The following DCHS2 variants were observed in gnomAD, a reference collection of about 807,000 sequenced individuals.
DCHS2 encodes the protein dachsous cadherin-related 2.
Under a neutral mutation model 182.4 loss-of-function variants are expected in DCHS2, and 142 were observed. The ratio of observed to expected loss-of-function variants is 0.78; its 90% CI spans 0.68 to 0.89. The LOEUF (loss-of-function observed/expected upper bound fraction) is 0.89, where lower values mean the gene tolerates loss of function less well. Ranked by LOEUF, DCHS2 falls within the 40% of genes least tolerant of loss-of-function variation. DCHS2 has a pLI of 0.00. For missense variants in DCHS2, 4,319 were observed against 4,198.6 expected, an observed-to-expected ratio of 1.03 and a Z score of -0.79; for synonymous variants, 1,740 against 1,663.3, an observed-to-expected ratio of 1.05 and a Z score of -1.12.
In DCHS2 at chr4:154,323,105, T is replaced by C. The variant is rs979274500; in HGVS notation, c.4019-617A>G. 30 of 1,304,930 alleles carry C rather than the reference T, an allele frequency of 2.3e-5. No individual in the cohort carries two copies. In the Middle Eastern group the frequency reaches 9.5e-4, roughly 41 times the overall value. The allele number at this position is 1,304,930 out of a possible 1,614,324, so 80.8% of individuals were successfully genotyped here. On this transcript the variant is annotated intron_variant, in intron 7 of 19. Coordinates refer to ENST00000357232, the MANE Select transcript of DCHS2 (RefSeq NM_001358235.2). The stretch of plus-strand genomic sequence containing the variant: ...TTGTCCTTGCAATTTATTTGTTGAA[T>C]AAACTGGAACTTGTATCCTGACATT...
At chr4:154,475,441 A>AT (rs1328851892) in intron 1 of DCHS2, among the ~76,000 whole-genome samples, 1 of 152,212 alleles carries the variant, frequency 6.6e-6, no homozygotes, top group Non-Finnish European at 1.5e-5. Context: ...AAGGACTGAA[A>AT]TCTTAAAGGA....
chr4:154,382,774 A>G (rs1024382157), intron 1 of DCHS2, among the ~76,000 whole-genome samples: 21 of 152,220 alleles, frequency 1.4e-4, no homozygotes, highest in African/African-American at 5.1e-4. Flanking sequence ...CATCAGAGAA[A>G]TGCAAATCAA....
intron 1 of DCHS2, among the ~76,000 whole-genome samples, chr4:154,415,800 A>G (rs1400071670): frequency 6.6e-6 from 1 of 152,190 alleles, no homozygotes; most frequent in Admixed American, 6.5e-5. Flanking sequence ...GTCTCCAAAA[A>G]GTGGCAGAAC....
At chr4:154,329,413 C>T (rs1329676146) in intron 6 of DCHS2, 110 bp downstream of exon 6, 6 of 1,130,700 alleles carry the variant, frequency 5.3e-6, no homozygotes, top group Non-Finnish European at 7.5e-6. Context: ...AAAAAGTATG[C>T]TTTGCCACAC....
rs779930027 is a variant in DCHS2, at chr4:154,490,128, G to T, written c.1228C>A (p.Arg410=). 6.5e-6 allele frequency: 10 copies of T among 1,548,142 alleles called. No individual in the cohort carries two copies. In the Admixed American group the frequency reaches 2.0e-4, roughly 30 times the overall value. The change falls in exon 1 of 20, where the codon CGG becomes AGG. Residue 410 remains arginine (R), a synonymous_variant. Coordinates refer to ENST00000357232, the MANE Select transcript of DCHS2 (RefSeq NM_001358235.2). ...AGAAAGAGCACGTGAATTGCTGGCC[G>T]GTTGTCATTCACGTCCAGCACGGCG... is the stretch of plus-strand genomic sequence containing the variant. ...SIAVLDVNDN[R]PAIHVLFLTE...
chr4:154,313,170 A>G (rs1000754834), intron 10 of DCHS2, among the ~76,000 whole-genome samples: 5 of 152,200 alleles, frequency 3.3e-5, no homozygotes, highest in African/African-American at 1.2e-4. Context: ...TGGTATTCCC[A>G]GTGGGGCACC....
intron 1 of DCHS2, among the ~76,000 whole-genome samples, chr4:154,401,418 A>G (rs1284048339): frequency 2.6e-5 from 4 of 152,150 alleles, no homozygotes; most frequent in African/African-American, 9.7e-5. Flanking sequence ...TAGGGTACCC[A>G]TCTAACTGCT....
At chr4:154,356,230 A>T (rs1482173897) in intron 3 of DCHS2, among the ~76,000 whole-genome samples, 4 of 152,184 alleles carry the variant, frequency 2.6e-5, no homozygotes, top group Non-Finnish European at 5.9e-5. Context: ...AAAGTTAAAA[A>T]AAATTAAAAA....
intron 1 of DCHS2, among the ~76,000 whole-genome samples, chr4:154,479,059 G>A (rs558625757): frequency 6.4e-4 from 98 of 152,218 alleles, no homozygotes; most frequent in African/African-American, 2.2e-3. Context: ...AGCTATTATA[G>A]TTATATGAGG....
chr4:154,432,660 T>C (rs1239919013), intron 1 of DCHS2, among the ~76,000 whole-genome samples: 18 of 149,024 alleles, frequency 1.2e-4, no homozygotes, highest in Admixed American at 1.1e-3. Context: ...AAAAAAAAGA[T>C]GAGAAAAAGA....
intron 10 of DCHS2, among the ~76,000 whole-genome samples, chr4:154,311,428 T>A (rs764923861): frequency 1.3e-5 from 2 of 151,098 alleles, no homozygotes; most frequent in Non-Finnish European, 3.0e-5. Flanking sequence ...AAAGGTGAGG[T>A]CTTGCTATGT....
At chr4:154,279,957 A>C (rs1429756187) in intron 13 of DCHS2, among the ~76,000 whole-genome samples, 3 of 151,974 alleles carry the variant, frequency 2.0e-5, no homozygotes, top group Non-Finnish European at 2.9e-5. Flanking sequence ...AGCTTAATAA[A>C]ATTGGCAAAG....
intron 13 of DCHS2, among the ~76,000 whole-genome samples, chr4:154,289,299 C>T (rs1184304902): frequency 1.3e-5 from 2 of 151,894 alleles, no homozygotes; most frequent in Admixed American, 6.6e-5. Context: ...TTAGTGGCTA[C>T]TATGAACAAT....
intron 1 of DCHS2, among the ~76,000 whole-genome samples, chr4:154,481,483 C>G (rs1315014391): frequency 2.6e-5 from 4 of 152,108 alleles, no homozygotes; most frequent in Non-Finnish European, 4.4e-5. Flanking sequence ...TCTCAAACTC[C>G]TGGGCTCAAG....
chr4:154,365,299 T>C (rs1036966345), intron 3 of DCHS2, among the ~76,000 whole-genome samples: 1 of 152,136 alleles, frequency 6.6e-6, no homozygotes, highest in African/African-American at 2.4e-5. Context: ...TCTTAGCTAT[T>C]AATACATCCA....
At chr4:154,487,816 T>C (rs1305259000) in intron 1 of DCHS2, among the ~76,000 whole-genome samples, 1 of 152,230 alleles carries the variant, frequency 6.6e-6, no homozygotes, top group Non-Finnish European at 1.5e-5. Context: ...AGGCTAGATA[T>C]ATTTACTCAA....
chr4:154,460,017 G>A (rs1734947580), intron 1 of DCHS2, among the ~76,000 whole-genome samples: 1 of 152,076 alleles, frequency 6.6e-6, no homozygotes, highest in African/African-American at 2.4e-5. Flanking sequence ...TTATTAGCAT[G>A]AATAGCTCAG....
Position 154,268,341 on chromosome 4 carries a change from G to A in DCHS2, c.6577+1559C>T, listed in dbSNP as rs368168607. Reference sequence around the variant, plus strand: ...GGCCATTATTAAGTTACATAAGAGTGACATGAATATAAGTACTGCAATATG... The same window carrying A: ...GGCCATTATTAAGTTACATAAGAGTAACATGAATATAAGTACTGCAATATG... On this transcript the variant is annotated intron_variant, in intron 14 of 19. Coordinates refer to ENST00000357232, the MANE Select transcript of DCHS2 (RefSeq NM_001358235.2). Among the ~76,000 whole-genome samples the A allele has an allele frequency of 2.0e-4, 30 of 152,072 alleles. No homozygotes were observed. The East Asian group carries it at 5.8e-3, about 29-fold the overall frequency.
intron 1 of DCHS2, among the ~76,000 whole-genome samples, chr4:154,383,066 G>A (rs1344430678): frequency 6.6e-6 from 1 of 152,140 alleles, no homozygotes; most frequent in African/African-American, 2.4e-5. Context: ...ATTCACAATA[G>A]CAAAAACATA....
Sources: allele counts gnomAD v4.1 joint callset (sites outside exome capture counted in the v4.1 genomes callset), GRCh38; gene constraint gnomAD v4.1.1; transcripts MANE v1.5; gene names NCBI Gene and HGNC (gene_info 2026-07-23, HGNC 2026-07-21).